RYR1: variants seen among roughly 807,000 people sequenced by gnomAD.
The protein encoded by RYR1 is central core disease of muscle.
Under a neutral mutation model 583.5 loss-of-function variants are expected in RYR1, and 342 were observed. The observed-to-expected ratio is 0.59, with a 90% confidence interval of 0.54 to 0.64. The LOEUF (loss-of-function observed/expected upper bound fraction) is 0.64, where lower values mean the gene tolerates loss of function less well. Among genes scored for constraint, RYR1 ranks in the 30% least tolerant of loss-of-function variants. The pLI is 0.00. For synonymous variants in RYR1, 2,791 were observed against 2,822.5 expected (o/e 0.99, Z 0.35); for missense variants, 6,032 against 6,917.2 (o/e 0.87, Z 4.54).
At chr19:38,480,711 A>C (rs1191272782) in intron 31 of RYR1, among the ~76,000 whole-genome samples, 1 of 151,960 alleles carries the variant, frequency 6.6e-6, no homozygotes, top group Non-Finnish European at 1.5e-5. Flanking sequence ...TCAGAATCTA[A>C]GTAGGGTCAT....
At chr19:38,460,674 C>T in intron 20 of RYR1, 83 bp downstream of exon 20, 1 of 1,316,016 alleles carries the variant, frequency 7.6e-7, no homozygotes, top group Non-Finnish European at 1.1e-6. Flanking sequence ...TCGTTCATGC[C>T]TGTAATCCCA....
At chr19:38,439,741 C>G (rs1015510267) in intron 1 of RYR1, among the ~76,000 whole-genome samples, 5 of 152,018 alleles carry the variant, frequency 3.3e-5, no homozygotes, top group African/African-American at 1.2e-4. Flanking sequence ...CTCCTGACCT[C>G]AAGTGATCCA....
intron 67 of RYR1, among the ~76,000 whole-genome samples, chr19:38,519,991 T>A (rs60909679): frequency 0.093 from 14,126 of 151,988 alleles, 786 homozygotes; most frequent in South Asian, 0.24. Flanking sequence ...TGATTTTTTT[T>A]AAATCATTCT....
chr19:38,451,225 A>G (rs917313400), intron 11 of RYR1, among the ~76,000 whole-genome samples: 3 of 152,256 alleles, frequency 2.0e-5, no homozygotes, highest in African/African-American at 7.2e-5. Flanking sequence ...GGCCATGTCC[A>G]AAGTGGGGAC....
At chr19:38,465,184 G>A (rs551827295) in intron 23 of RYR1, among the ~76,000 whole-genome samples, 3 of 152,230 alleles carry the variant, frequency 2.0e-5, no homozygotes, top group Admixed American at 6.5e-5. Flanking sequence ...AGAAACCTCA[G>A]AGTGGGCTGG....
chr19:38,451,379 A>G (rs1967066919), intron 11 of RYR1, among the ~76,000 whole-genome samples: 1 of 151,766 alleles, frequency 6.6e-6, no homozygotes. Flanking sequence ...GACAGGTTCA[A>G]TTTGGGGGTT....
Position 38,529,035 on chromosome 19 carries a change from C to T in RYR1, c.11119C>T (p.Arg3707Cys), listed in dbSNP as rs781379239. 9 of 1,613,872 alleles carry T rather than the reference C, an allele frequency of 5.6e-6. No homozygotes were observed. The highest frequency in any genetic ancestry group is 1.7e-4 in the Middle Eastern group (1 of 5,898). Residue 3707 changes from arginine (R) to cysteine (C), a missense_variant, in exon 76 of 106, where the codon CGC becomes TGC. By Grantham distance (180) the Arg-to-Cys change is radical. Coordinates refer to ENST00000359596, the MANE Select transcript of RYR1 (RefSeq NM_000540.3). ...GCACCAGTTGGTCCTGCACTTCAGC[C>T]GCACTGCCCTGACGGAAAAGAGGTG... Reference protein sequence around the residue: ...PLHQLVLHFSRTALTEKSKLD... With the variant: ...PLHQLVLHFSCTALTEKSKLD...
intron 102 of RYR1, 81 bp downstream of exon 102, chr19:38,585,180 C>T (rs895362454): frequency 1.0e-4 from 156 of 1,522,120 alleles, no homozygotes; most frequent in Non-Finnish European, 1.3e-4. Context: ...ATCCAGTCGG[C>T]CTGCATTCAT....
chr19:38,580,557 G>T (rs1275447501), intron 101 of RYR1, 53 bp downstream of exon 101: 5 of 1,610,624 alleles, frequency 3.1e-6, no homozygotes, highest in Non-Finnish European at 2.5e-6. Context: ...TCTGTTGAAG[G>T]AGTTAATAAT....
At position 38,460,519 on chromosome 19, in the gene RYR1, G is replaced by C; in HGVS notation, c.2505G>C (p.Gly835=). 6.2e-7 allele frequency: 1 copy of C among 1,614,156 alleles called. No homozygotes were observed. Among genetic ancestry groups the C allele is most frequent in the South Asian group, 1.1e-5 (1 of 91,084 alleles). ...AGTATCGACGGGAGGGGCCCCGGGG[G>C]CCTCACCTGGTGGGCCCCAGTCGCT... The part of the protein sequence containing the change: ...IKEYRREGPR[G]PHLVGPSRCL... The change falls in exon 20 of 106, where the codon GGG becomes GGC. Residue 835 remains glycine, a synonymous_variant. Coordinates refer to ENST00000359596, the MANE Select transcript of RYR1 (RefSeq NM_000540.3).
Position 38,565,087 on chromosome 19 carries a change from G to A in RYR1, c.12753G>A (p.Ser4251=). 6 of 1,553,512 alleles carry A rather than the reference G, an allele frequency of 3.9e-6. No individual in the cohort carries two copies. The highest frequency in any genetic ancestry group is 1.9e-5 in the Admixed American group (1 of 51,810). The part of the protein sequence containing the change: ...IFEMQIAAQI[S]EPEGEPETDE... ...AGATGCAGATCGCCGCGCAGATCTC[G>A]GAGCCCGAGGGCGAGCCGGAGACCG... The change falls in exon 91 of 106, where the codon TCG becomes TCA. Residue 4251 remains serine (S), a synonymous_variant. Transcript: ENST00000359596. The surrounding 1 kb of genome is among the most constrained non-coding windows in gnomAD (Gnocchi z 4.7).
chr19:38,467,908 C>T, intron 25 of RYR1, 96 bp downstream of exon 25: 1 of 1,144,266 alleles, frequency 8.7e-7, no homozygotes, highest in African/African-American at 1.5e-5. Context: ...TCACTCTGTC[C>T]CCACTTCATG....
Position 38,507,780 on chromosome 19 carries a change from A to G in RYR1, c.8885A>G (p.Gln2962Arg), listed in dbSNP as rs1970543425. 2 of 1,613,844 alleles carry G rather than the reference A, an allele frequency of 1.2e-6. No homozygotes were observed. Among genetic ancestry groups the G allele is most frequent in the Non-Finnish European group, 1.7e-6 (2 of 1,179,900 alleles). Residue 2962 changes from glutamine to arginine, a missense_variant, in exon 58 of 106, where the codon CAG (glutamine) becomes CGG (arginine). Around this residue, in one of 11 missense-constraint regions of RYR1, gnomAD observed 1,493 missense variants for 1,715.5 expected, o/e 0.87. Transcript: ENST00000359596. ...CGGTTTGCCTTTGGCTTCCTGCAGC[A>G]GCTGCTGCGCTGGATGGACATTTCT... ...EKRFAFGFLQ[Q>R]LLRWMDISQE...
At chr19:38,455,606 C>G (rs776144490) in intron 15 of RYR1, 27 bp from the exon 16 acceptor site, 2 of 1,609,720 alleles carry the variant, frequency 1.2e-6, no homozygotes, top group Non-Finnish European at 1.7e-6. Context: ...ATGGCCGCTT[C>G]ACCTCTCATT....
Position 38,500,470 on chromosome 19 carries a change from G to A in RYR1, c.7324-136G>A. 2 of 1,296,354 alleles carry A rather than the reference G, an allele frequency of 1.5e-6. No homozygotes were observed. The highest frequency in any genetic ancestry group is 2.2e-6 in the Non-Finnish European group (2 of 915,920). The allele number at this position is 1,296,354 out of a possible 1,614,324, so 80.3% of individuals were successfully genotyped here. A position where few individuals can be genotyped will look rare whatever the true frequency, so the allele number is the denominator to read the frequency against. ...TGGGGGGGCACAGGCAGAGGAACGA[G>A]GGCTGGAAACTCTAGACAGCCTCCT... On this transcript the variant is annotated intron_variant, in intron 45 of 105. Transcript: ENST00000359596. The surrounding 1 kb of genome is among the most constrained non-coding windows in gnomAD (Gnocchi z 5.9).
At position 38,436,053 on chromosome 19, in the gene RYR1, C is replaced by T. The variant is rs145334983; in HGVS notation, c.45+2179C>T. ...CCTCCTGAGTAGCTGGGATTACAGG[C>T]GCGTGCCACCAAGCCGAGCTAATTT... On this transcript the variant is annotated intron_variant, in intron 1 of 105. Coordinates refer to ENST00000359596, the MANE Select transcript of RYR1 (RefSeq NM_000540.3). Among the ~76,000 whole-genome samples, 409 of 151,388 alleles carry T rather than the reference C, an allele frequency of 2.7e-3. 5 individuals carry two copies. The highest frequency in any genetic ancestry group is 0.012 in the Admixed American group (179 of 15,172).
At chr19:38,537,845 C>G (rs1252514351) in intron 83 of RYR1, 35 bp from the exon 84 acceptor site, 10 of 1,599,370 alleles carry the variant, frequency 6.3e-6, no homozygotes, top group African/African-American at 1.3e-5. Flanking sequence ...GCGCATCTGA[C>G]CCCTCCTGGG....
chr19:38,483,475 G>A lies in RYR1; in HGVS notation c.4893G>A (p.Glu1631=), dbSNP rs1319252372. The A allele has an allele frequency of 6.4e-7, 1 of 1,563,186 alleles. No individual in the cohort carries two copies. Among genetic ancestry groups the A allele is most frequent in the Non-Finnish European group, 8.6e-7 (1 of 1,157,880 alleles). The change falls in exon 33 of 106, where the codon GAG becomes GAA. Residue 1631 remains glutamate, a synonymous_variant. Transcript: ENST00000359596. The surrounding 1 kb of genome is among the most constrained non-coding windows in gnomAD (Gnocchi z 6.3). ...TGGGCTGGGCCGTGCAGTGCCAGGAGCCGCTGACCATGATGGCGCTGCACA... is the reference window on the plus strand; with the variant it reads ...TGGGCTGGGCCGTGCAGTGCCAGGAACCGCTGACCATGATGGCGCTGCACA... ...ERLGWAVQCQ[E]PLTMMALHIP... is the part of the protein sequence containing the mutation.
At chr19:38,480,234 C>G (rs1439749978) in intron 31 of RYR1, among the ~76,000 whole-genome samples, 1 of 152,014 alleles carries the variant, frequency 6.6e-6, no homozygotes, top group Non-Finnish European at 1.5e-5. Flanking sequence ...CCTCTGCCTC[C>G]CAGGTTCAAG....
Sources: allele counts gnomAD v4.1 joint callset (sites outside exome capture counted in the v4.1 genomes callset), GRCh38; gene constraint gnomAD v4.1.1; regional missense constraint gnomAD v4.1.1; non-coding constraint Gnocchi (gnomAD v3.1); transcripts MANE v1.5; gene names NCBI Gene and HGNC (gene_info 2026-07-23, HGNC 2026-07-21).